SPMIP7: variants seen among roughly 807,000 people sequenced by gnomAD.
SPMIP7 encodes the protein protein SPMIP7.
chr7:50,133,126 G>A, the SPMIP7 span, among the ~76,000 whole-genome samples: 5 of 152,016 alleles, frequency 3.3e-5, no homozygotes, highest in East Asian at 9.6e-4. Flanking sequence ...AGGGTTGTAT[G>A]GTTTTCACTC....
chr7:50,137,280 A>G, the SPMIP7 span, among the ~76,000 whole-genome samples: 1 of 152,116 alleles, frequency 6.6e-6, no homozygotes, highest in Admixed American at 6.5e-5. Context: ...AAAATAATTT[A>G]CATTATTTAA....
chr7:50,106,911 G>A, the SPMIP7 span, among the ~76,000 whole-genome samples: 9 of 152,110 alleles, frequency 5.9e-5, no homozygotes, highest in African/African-American at 1.9e-4. Flanking sequence ...GACCAGTCTG[G>A]CCAACATAGC....
At chr7:50,122,635 C>G in the SPMIP7 span, among the ~76,000 whole-genome samples, 1 of 150,212 alleles carries the variant, frequency 6.7e-6, no homozygotes, top group South Asian at 2.1e-4. Flanking sequence ...AGGCAACCTA[C>G]AAAATGGGAG....
At chr7:50,110,854 T>C in the SPMIP7 span, among the ~76,000 whole-genome samples, 1 of 133,004 alleles carries the variant, frequency 7.5e-6, no homozygotes, top group Non-Finnish European at 1.5e-5. Flanking sequence ...TTATAATATA[T>C]AATTAGATAT....
the SPMIP7 span, chr7:50,151,664 T>C: frequency 3.9e-6 from 3 of 777,240 alleles, no homozygotes; most frequent in African/African-American, 3.5e-5. Context: ...CAAATTTACA[T>C]TGTTTTTAAA....
the SPMIP7 span, among the ~76,000 whole-genome samples, chr7:50,100,002 G>A: frequency 1.3e-5 from 2 of 151,944 alleles, no homozygotes; most frequent in African/African-American, 4.8e-5. Context: ...ACTTTTTCTA[G>A]GGGGCTGAGA....
At chr7:50,122,757 G>A in the SPMIP7 span, among the ~76,000 whole-genome samples, 42 of 151,988 alleles carry the variant, frequency 2.8e-4, no homozygotes, top group East Asian at 7.7e-3. Flanking sequence ...GTGGGCAAAG[G>A]ACATGAACAG....
chr7:50,152,832 G>A, the SPMIP7 span, among the ~76,000 whole-genome samples: 9 of 151,988 alleles, frequency 5.9e-5, no homozygotes, highest in East Asian at 1.9e-4. Context: ...AATTACAGCC[G>A]TGCACTATCA....
the SPMIP7 span, among the ~76,000 whole-genome samples, chr7:50,105,570 G>A: frequency 2.0e-5 from 3 of 152,050 alleles, no homozygotes; most frequent in African/African-American, 7.2e-5. Flanking sequence ...ATGGTACCTG[G>A]CCATGAAACA....
the SPMIP7 span, among the ~76,000 whole-genome samples, chr7:50,105,856 C>T: frequency 6.6e-6 from 1 of 151,994 alleles, no homozygotes; most frequent in East Asian, 1.9e-4. Flanking sequence ...ATCCATTGGT[C>T]CTGCAGGTAA....
the SPMIP7 span, among the ~76,000 whole-genome samples, chr7:50,125,499 T>G: frequency 6.7e-6 from 1 of 150,050 alleles, no homozygotes; most frequent in Non-Finnish European, 1.5e-5. Context: ...AAATGGAGGA[T>G]AGATACACAA....
chr7:50,123,191 G>A, the SPMIP7 span, among the ~76,000 whole-genome samples: 1 of 122,058 alleles, frequency 8.2e-6, no homozygotes, highest in Non-Finnish European at 1.7e-5. Context: ...TGATAGACTG[G>A]ATTAAGAAAA....
chr7:50,108,408 T>C, the SPMIP7 span, among the ~76,000 whole-genome samples: 1 of 152,120 alleles, frequency 6.6e-6, no homozygotes, highest in Non-Finnish European at 1.5e-5. Context: ...TGTAGGAATA[T>C]AATCAGAAAG....
chr7:50,107,955 G>A, the SPMIP7 span, among the ~76,000 whole-genome samples: 1 of 152,118 alleles, frequency 6.6e-6, no homozygotes, highest in African/African-American at 2.4e-5. Flanking sequence ...CATAGTTTAT[G>A]GTAATTGCAT....
At chr7:50,146,843 C>T in the SPMIP7 span, among the ~76,000 whole-genome samples, 2 of 152,230 alleles carry the variant, frequency 1.3e-5, no homozygotes, top group Non-Finnish European at 2.9e-5. Context: ...CTGCTCCTCT[C>T]ACATGGGTCT....
chr7:50,142,213 A>C, the SPMIP7 span: 1 of 152,216 alleles, frequency 6.6e-6, no homozygotes, highest in Non-Finnish European at 1.5e-5. Flanking sequence ...TTCAGGCACA[A>C]CAATTTAGGA....
At chr7:50,157,485 C>A in the SPMIP7 span, among the ~76,000 whole-genome samples, 1 of 152,106 alleles carries the variant, frequency 6.6e-6, no homozygotes, top group Non-Finnish European at 1.5e-5. Context: ...ACTTGCCTTC[C>A]CACCTCTGCA....
the SPMIP7 span, among the ~76,000 whole-genome samples, chr7:50,151,044 A>C: frequency 2.0e-5 from 3 of 152,238 alleles, no homozygotes; most frequent in Non-Finnish European, 4.4e-5. Flanking sequence ...TAAATGTAAG[A>C]GTGTATATTC....
the SPMIP7 span, among the ~76,000 whole-genome samples, chr7:50,132,578 G>T: frequency 6.6e-6 from 1 of 152,174 alleles, no homozygotes; most frequent in African/African-American, 2.4e-5. Context: ...TTTATCAGAG[G>T]CTCAAACAGT....
Sources: allele counts gnomAD v4.1 joint callset (sites outside exome capture counted in the v4.1 genomes callset), GRCh38; gene constraint gnomAD v4.1.1; transcripts MANE v1.5; gene names NCBI Gene and HGNC (gene_info 2026-07-23, HGNC 2026-07-21).